Variants in C4orf51 observed in about 807,000 individuals in gnomAD.
C4orf51 encodes the protein uncharacterized protein C4orf51.
In C4orf51, 25 loss-of-function variants were observed where a neutral mutation model predicts 25.2. The ratio of observed to expected loss-of-function variants is 0.99; its 90% CI spans 0.72 to 1.39. The LOEUF is 1.39. Ranked by LOEUF, C4orf51 falls within the 40% of genes most tolerant of loss-of-function variation. The pLI is 0.00. For synonymous variants in C4orf51, 100 were observed against 84.5 expected (o/e 1.18, Z -1.01); for missense variants, 252 against 239.6 (o/e 1.05, Z -0.34).
chr4:145,685,437 G>A (rs1161409747), intron 1 of C4orf51, among the ~76,000 whole-genome samples: 2 of 152,192 alleles, frequency 1.3e-5, no homozygotes, highest in Non-Finnish European at 2.9e-5. Flanking sequence ...CAAGACTCCT[G>A]TCTCAAGAGC....
chr4:145,705,942 A>G (rs1730780029), intron 2 of C4orf51, among the ~76,000 whole-genome samples: 1 of 152,180 alleles, frequency 6.6e-6, no homozygotes, highest in Non-Finnish European at 1.5e-5. Flanking sequence ...TGGGGTTGCT[A>G]GCTGATTCCA....
intron 2 of C4orf51, among the ~76,000 whole-genome samples, chr4:145,709,467 CA>C (rs950242340): frequency 2.6e-5 from 4 of 152,222 alleles, no homozygotes; most frequent in African/African-American, 9.6e-5. Flanking sequence ...GTATAAATCT[CA>C]GGGGATACCT....
chr4:145,766,924 C>G (rs1456300699), intron 1 of C4orf51, among the ~76,000 whole-genome samples: 1 of 152,090 alleles, frequency 6.6e-6, no homozygotes, highest in Non-Finnish European at 1.5e-5. Flanking sequence ...AAGCAAGACC[C>G]CAAAGGAACG....
intron 3 of C4orf51, among the ~76,000 whole-genome samples, chr4:145,727,850 G>A (rs1316919288): frequency 1.4e-5 from 2 of 139,824 alleles, no homozygotes; most frequent in Admixed American, 7.6e-5. Flanking sequence ...CCACTGCACC[G>A]CAGCCTGGGC....
At chr4:145,729,381 A>T in intron 4 of C4orf51, among the ~76,000 whole-genome samples, 152 bp downstream of exon 4, 1 of 136,170 alleles carries the variant, frequency 7.3e-6, no homozygotes. Flanking sequence ...GGCTCACTGC[A>T]AGCTCTGCCT....
chr4:145,755,514 C>A (rs1450464780), downstream of C4orf51, among the ~76,000 whole-genome samples: 4 of 152,342 alleles, frequency 2.6e-5, no homozygotes, highest in East Asian at 7.7e-4. Context: ...TTTGCACCTC[C>A]TATCAGTGTG....
intron 1 of C4orf51, among the ~76,000 whole-genome samples, chr4:145,770,551 G>C (rs1364749689): frequency 6.6e-6 from 1 of 151,246 alleles, no homozygotes; most frequent in Non-Finnish European, 1.5e-5. Context: ...ATCATGGTAA[G>C]CATTATAGAA....
chr4:145,766,729 T>A (rs1735362255), intron 1 of C4orf51, among the ~76,000 whole-genome samples: 1 of 152,184 alleles, frequency 6.6e-6, no homozygotes, highest in African/African-American at 2.4e-5. Flanking sequence ...AAAAGCCACC[T>A]GAAAAGCTTA....
At chr4:145,710,702 C>T (rs28874269) in intron 2 of C4orf51, among the ~76,000 whole-genome samples, 94,047 of 151,716 alleles carry the variant, frequency 0.62, 30,273 homozygotes, top group African/African-American at 0.8. Flanking sequence ...TGTCTTTCCC[C>T]GGCATTGGTT....
chr4:145,772,411 G>A (rs1736425351), downstream of C4orf51, among the ~76,000 whole-genome samples: 4 of 152,168 alleles, frequency 2.6e-5, no homozygotes, highest in South Asian at 8.3e-4. Context: ...GGGTCAAACT[G>A]AAACATCTCA....
rs1334304355 is a variant in C4orf51 at position 145,701,324 on chromosome 4, G to A, written c.307+4692G>A. Among the ~76,000 whole-genome samples, 6 of 151,900 alleles carry A rather than the reference G, an allele frequency of 3.9e-5. No individual in the cohort carries two copies. The East Asian group carries it at 5.8e-4, about 15-fold the overall frequency. On this transcript the variant is annotated intron_variant, in intron 2 of 5. Transcript: ENST00000438731. ...ACAAGAACTTCCAAACGCCTAAACC[G>A]AAGTGCCCAGGCGTTCCTCCAGAAC... is the stretch of plus-strand genomic sequence containing the variant.
chr4:145,750,423 T>G (rs1023507485), intron 1 of C4orf51, among the ~76,000 whole-genome samples: 7 of 151,110 alleles, frequency 4.6e-5, no homozygotes, highest in Non-Finnish European at 8.9e-5. Context: ...TTTTTTTTTT[T>G]TTTTTTTTTT....
At chr4:145,729,758 C>T (rs1732356820) in intron 4 of C4orf51, 134 bp from the exon 5 acceptor site, 3 of 664,626 alleles carry the variant, frequency 4.5e-6, no homozygotes, top group South Asian at 1.8e-5. Flanking sequence ...ATGCTGGTGG[C>T]AGAGGAGGGG....
At chr4:145,733,012 G>A (rs978440050), downstream of C4orf51, among the ~76,000 whole-genome samples, 1 of 152,190 alleles carries the variant, frequency 6.6e-6, no homozygotes, top group African/African-American at 2.4e-5. Flanking sequence ...CCGCCGGGAA[G>A]CGAATTGGCT....
chr4:145,783,311 A>G, the C4orf51 span, among the ~76,000 whole-genome samples: 1 of 152,250 alleles, frequency 6.6e-6, no homozygotes, highest in African/African-American at 2.4e-5. Flanking sequence ...TTCTTATTTT[A>G]TAGTAGGAAA....
intron 2 of C4orf51, among the ~76,000 whole-genome samples, chr4:145,703,154 G>C (rs1303090236): frequency 6.6e-6 from 1 of 151,420 alleles, no homozygotes. Context: ...CAAAAGAAGT[G>C]AATATGCCCT....
At chr4:145,685,189 G>A (rs1283261914) in intron 1 of C4orf51, among the ~76,000 whole-genome samples, 1 of 151,994 alleles carries the variant, frequency 6.6e-6, no homozygotes, top group Non-Finnish European at 1.5e-5. Context: ...ACACCTATTG[G>A]AACTGTATAA....
chr4:145,717,204 A>G (rs114214475), intron 2 of C4orf51, among the ~76,000 whole-genome samples: 2 of 152,340 alleles, frequency 1.3e-5, no homozygotes, highest in Admixed American at 6.5e-5. Flanking sequence ...GGGTGGAAAC[A>G]TGAGTAGCGA....
At chr4:145,735,039 G>A (rs146830222), downstream of C4orf51, among the ~76,000 whole-genome samples, 51 of 152,354 alleles carry the variant, frequency 3.3e-4, no homozygotes, top group Middle Eastern at 3.4e-3. Context: ...GATGCACTTG[G>A]GCGAGGGCTT....
Sources: gnomAD v4.1 joint callset for allele counts (sites outside exome capture counted in the v4.1 genomes callset) on GRCh38, gnomAD v4.1.1 for gene constraint, MANE v1.5 for transcripts, NCBI Gene and HGNC (gene_info 2026-07-23, HGNC 2026-07-21) for gene names.